The following OXR1 variants were observed in gnomAD, a reference collection of about 807,000 sequenced individuals.
OXR1 encodes oxidation resistance protein 1.
A neutral mutation model predicts 104.6 loss-of-function variants in OXR1; 41 were observed. The observed-to-expected ratio is 0.39, with a 90% confidence interval of 0.31 to 0.51. OXR1 has a LOEUF of 0.51. Among genes scored for constraint, OXR1 ranks in the 20% least tolerant of loss-of-function variants. The probability of loss-of-function intolerance (pLI) is 0.77; values close to 1 mark genes in which losing one functional copy is unlikely to be tolerated. For synonymous variants in OXR1, 348 were observed against 348.4 expected (o/e 1.00, Z 0.01); for missense variants, 955 against 1,031.9 (o/e 0.93, Z 1.02).
chr8:106,705,126 C>A (rs1831021121), intron 8 of OXR1, among the ~76,000 whole-genome samples: 2 of 152,120 alleles, frequency 1.3e-5, no homozygotes, highest in African/African-American at 4.8e-5. Flanking sequence ...AATATATATC[C>A]TGTCACGTTT....
intron 1 of OXR1, among the ~76,000 whole-genome samples, chr8:106,340,962 A>G (rs940143668): frequency 7.2e-5 from 11 of 152,216 alleles, no homozygotes; most frequent in Admixed American, 2.0e-4. Context: ...TGCATTATTC[A>G]TAATGTAGAC....
At chr8:106,409,445 A>G (rs974466247) in intron 2 of OXR1, among the ~76,000 whole-genome samples, 9 of 152,172 alleles carry the variant, frequency 5.9e-5, no homozygotes, top group African/African-American at 1.9e-4. Context: ...AAAGAAGCAA[A>G]CAAAAAACAG....
intron 1 of OXR1, among the ~76,000 whole-genome samples, chr8:106,313,543 A>AT (rs1310899639): frequency 5.3e-5 from 8 of 151,916 alleles, no homozygotes; most frequent in African/African-American, 1.5e-4. Context: ...GTGGAAGGAT[A>AT]TTTTTTTTCT....
intron 1 of OXR1, among the ~76,000 whole-genome samples, chr8:106,277,351 T>C (rs932998162): frequency 6.6e-6 from 1 of 152,198 alleles, no homozygotes; most frequent in African/African-American, 2.4e-5. Flanking sequence ...TTATAGGTTA[T>C]GATTCCTGTG....
At chr8:106,452,061 A>G (rs1820342958) in intron 2 of OXR1, among the ~76,000 whole-genome samples, 1 of 152,200 alleles carries the variant, frequency 6.6e-6, no homozygotes, top group Non-Finnish European at 1.5e-5. Context: ...TATTGTATGC[A>G]GGACACATGG....
At chr8:106,697,519 T>A in intron 7 of OXR1, 3 of 1,610,824 alleles carry the variant, frequency 1.9e-6, no homozygotes, top group Non-Finnish European at 2.5e-6. Flanking sequence ...TTGCAGCTGG[T>A]TATCCGAGAA....
At chr8:106,337,797 T>C (rs1178243553) in intron 1 of OXR1, among the ~76,000 whole-genome samples, 1 of 152,198 alleles carries the variant, frequency 6.6e-6, no homozygotes, top group Non-Finnish European at 1.5e-5. Context: ...CTTTCTCTTA[T>C]GTTGATGTAT....
chr8:106,738,851 C>T (rs1834639235), intron 12 of OXR1, among the ~76,000 whole-genome samples: 1 of 150,966 alleles, frequency 6.6e-6, no homozygotes, highest in Non-Finnish European at 1.5e-5. Flanking sequence ...ATTGTTTGGT[C>T]CAAGTAGATG....
intron 2 of OXR1, among the ~76,000 whole-genome samples, chr8:106,475,246 T>G (rs1423913047): frequency 6.6e-6 from 1 of 151,954 alleles, no homozygotes; most frequent in Non-Finnish European, 1.5e-5. Flanking sequence ...TTACCACATA[T>G]TTTGTACATT....
intron 1 of OXR1, among the ~76,000 whole-genome samples, chr8:106,334,795 C>A (rs1299245033): frequency 6.6e-6 from 1 of 152,032 alleles, no homozygotes; most frequent in Non-Finnish European, 1.5e-5. Context: ...CCTGATATTC[C>A]ATTCTTTCTG....
chr8:106,652,081 T>C (rs1824627439), intron 3 of OXR1, among the ~76,000 whole-genome samples: 1 of 152,152 alleles, frequency 6.6e-6, no homozygotes, highest in Non-Finnish European at 1.5e-5. Context: ...GTAATGTGTC[T>C]ATTTGCAGGG....
intron 2 of OXR1, among the ~76,000 whole-genome samples, chr8:106,466,887 G>A (rs1821200970): frequency 6.6e-6 from 1 of 151,762 alleles, no homozygotes; most frequent in Non-Finnish European, 1.5e-5. Context: ...ATGGCTAATA[G>A]ATATTTTTAT....
intron 11 of OXR1, chr8:106,720,743 T>A: frequency 1.1e-6 from 1 of 949,450 alleles, no homozygotes; most frequent in Non-Finnish European, 1.3e-6. Context: ...CATACCAGGC[T>A]GTAAGTCAAT....
At chr8:106,560,304 T>C (rs1563605634) in intron 3 of OXR1, among the ~76,000 whole-genome samples, 1 of 152,200 alleles carries the variant, frequency 6.6e-6, no homozygotes, top group Non-Finnish European at 1.5e-5. Flanking sequence ...GTTCAAGATA[T>C]CCACTGGTTA....
At chr8:106,427,706 G>T (rs189083775) in intron 2 of OXR1, among the ~76,000 whole-genome samples, 1 of 152,182 alleles carries the variant, frequency 6.6e-6, no homozygotes, top group Non-Finnish European at 1.5e-5. Context: ...TGAAGACTAT[G>T]TTCTGACAGG....
intron 3 of OXR1, among the ~76,000 whole-genome samples, chr8:106,621,451 T>A (rs1821689583): frequency 1.3e-5 from 2 of 149,466 alleles, no homozygotes; most frequent in Non-Finnish European, 3.0e-5. Context: ...ATGCTGTCTC[T>A]AAAAAAAACA....
intron 2 of OXR1, among the ~76,000 whole-genome samples, chr8:106,408,936 G>A (rs1010606299): frequency 2.0e-5 from 3 of 152,156 alleles, no homozygotes; most frequent in East Asian, 1.9e-4. Context: ...TTCAGGGAAC[G>A]TCAGGCACGC....
At chr8:106,665,337 A>C (rs184440457) in intron 3 of OXR1, among the ~76,000 whole-genome samples, 1 of 152,224 alleles carries the variant, frequency 6.6e-6, no homozygotes, top group Non-Finnish European at 1.5e-5. Context: ...TGTGGGTAGA[A>C]TGTGTAAACT....
intron 2 of OXR1, among the ~76,000 whole-genome samples, chr8:106,442,490 G>A (rs1437801788): frequency 6.6e-6 from 1 of 152,110 alleles, no homozygotes; most frequent in Admixed American, 6.6e-5. Flanking sequence ...AGAAGGAATG[G>A]TACCAGCTCC....
Sources: allele counts gnomAD v4.1 joint callset (sites outside exome capture counted in the v4.1 genomes callset), GRCh38; gene constraint gnomAD v4.1.1; transcripts MANE v1.5; gene names NCBI Gene and HGNC (gene_info 2026-07-23, HGNC 2026-07-21).